The following CACNB1 variants were observed in gnomAD, a reference collection of about 807,000 sequenced individuals.
The protein encoded by CACNB1 is calcium voltage-gated channel auxiliary subunit beta 1, also known as voltage-dependent L-type calcium channel subunit beta-1.
A neutral mutation model predicts 71.6 loss-of-function variants in CACNB1; 29 were observed. That is an observed-to-expected ratio of 0.40 (90% CI 0.30 to 0.55). The LOEUF (loss-of-function observed/expected upper bound fraction) is 0.55, where lower values mean the gene tolerates loss of function less well. Ranked by LOEUF, CACNB1 falls within the 20% of genes least tolerant of loss-of-function variation. The probability of loss-of-function intolerance (pLI) is 0.38; values close to 1 mark genes in which losing one functional copy is unlikely to be tolerated. For synonymous variants in CACNB1, 300 were observed against 319.6 expected (o/e 0.94, Z 0.65); for missense variants, 623 against 801.8 (o/e 0.78, Z 2.69).
Position 39,185,138 on chromosome 17 carries a change from T to C in CACNB1, c.641A>G (p.Gln214Arg), listed in dbSNP as rs2045901821. 6 of 1,613,832 alleles carry C rather than the reference T, an allele frequency of 3.7e-6. No individual in the cohort carries two copies. Among genetic ancestry groups the C allele is most frequent in the Non-Finnish European group, 5.1e-6 (6 of 1,179,808 alleles). The change falls in exon 7 of 14, where the codon CAG (glutamine) becomes CGG (arginine). Residue 214 changes from glutamine (Q) to arginine (R), a missense_variant. Physicochemically the swap from Gln to Arg is conservative, Grantham distance 43 (BLOSUM62 1). Coordinates refer to ENST00000394303, the MANE Select transcript of CACNB1 (RefSeq NM_000723.5). ...PTPPASAKQKQKSTEHVPPYD... is the reference protein window; with the variant it reads ...PTPPASAKQKRKSTEHVPPYD... ...GAAAGCTGTGATACTCACCGACTTC[T>C]GCTTCTGTTTGGCTGGGTCCAGAGA... is the stretch of plus-strand genomic sequence containing the variant.
At position 39,191,505 on chromosome 17, in the gene CACNB1, C is replaced by T. The variant is rs1260515417; in HGVS notation, c.260G>A (p.Arg87His). Residue 87 changes from arginine to histidine, a missense_variant, in exon 3 of 14, where the codon CGC becomes CAC. Transcript: ENST00000394303. Reference sequence around the variant, plus strand: ...CTTCTCGAGCTGCGCTAATGCCTGGCGCTCTGCTTCCTTCCTTAAGGCTTC... The same window carrying T: ...CTTCTCGAGCTGCGCTAATGCCTGGTGCTCTGCTTCCTTCCTTAAGGCTTC... The part of the protein sequence containing the change: ...DREALRKEAE[R>H]QALAQLEKAK... 8.7e-6 allele frequency: 14 copies of T among 1,607,616 alleles called. No individual in the cohort carries two copies. The highest frequency in any genetic ancestry group is 5.2e-5 in the Admixed American group (3 of 57,880).
chr17:39,178,217 G>A (rs2045639905), intron 11 of CACNB1, 138 bp from the exon 12 acceptor site: 2 of 681,348 alleles, frequency 2.9e-6, no homozygotes, highest in South Asian at 1.6e-5. Flanking sequence ...CTCAGCCCTG[G>A]GCACCTCTGC....
In CACNB1 at chr17:39,175,787, G is replaced by C. The variant is rs1300811193; in HGVS notation, c.1333-130C>G. ...TGAAGAGGGTGCTGGCTCTAGAGGA[G>C]GGGCCCCGGGGACAAACGGCTCTGG... On this transcript the variant is annotated intron_variant, in intron 13 of 13. Coordinates refer to ENST00000394303, the MANE Select transcript of CACNB1 (RefSeq NM_000723.5). This position sits in a 1 kb window ranked among gnomAD's most constrained non-coding sequence, Gnocchi z 4.7. 20 of 743,538 alleles carry C rather than the reference G, an allele frequency of 2.7e-5. No individual in the cohort carries two copies. The highest frequency in any genetic ancestry group is 3.8e-5 in the Non-Finnish European group (18 of 471,038). 46.1% of individuals were successfully genotyped at this position (743,538 alleles called of 1,614,324 possible). A position where few individuals can be genotyped will look rare whatever the true frequency, so the allele number is the denominator to read the frequency against.
rs1398018511 is a variant in CACNB1 at position 39,184,363 on chromosome 17, T to C, written c.750A>G (p.Lys250=). ...GATGCTTCAAGAAGTCAAATAAAGC[T>C]TTCTGCATCATGTCTGTAACCTGGG... ...KGYEVTDMMQ[K]ALFDFLKHRF... The change falls in exon 9 of 14, where the codon AAA becomes AAG. Residue 250 remains lysine (K), a synonymous_variant. Coordinates refer to ENST00000394303, the MANE Select transcript of CACNB1 (RefSeq NM_000723.5). 2 of 1,547,512 alleles carry C rather than the reference T, an allele frequency of 1.3e-6. No individual in the cohort carries two copies. The highest frequency in any genetic ancestry group is 1.2e-5 in the South Asian group (1 of 84,080).
In CACNB1 at chr17:39,194,875, C is replaced by T. The variant is rs1323802643; in HGVS notation, c.171+9G>A. 1.3e-6 allele frequency: 2 copies of T among 1,597,630 alleles called. No homozygotes were observed. Among genetic ancestry groups the T allele is most frequent in the African/African-American group, 2.7e-5 (2 of 74,608 alleles). On this transcript the variant is annotated intron_variant, in intron 2 of 13. Coordinates refer to ENST00000394303, the MANE Select transcript of CACNB1 (RefSeq NM_000723.5). This position sits in a 1 kb window ranked among gnomAD's most constrained non-coding sequence, Gnocchi z 4.6. ...CACCTCCCTCCTCTCCGCCCAGCCTCCCCATTACCTGGCGGACAAAGCTGT... is the reference window on the plus strand; with the variant it reads ...CACCTCCCTCCTCTCCGCCCAGCCTTCCCATTACCTGGCGGACAAAGCTGT...
chr17:39,189,587 C>T (rs980766796), intron 3 of CACNB1, among the ~76,000 whole-genome samples: 1 of 150,996 alleles, frequency 6.6e-6, no homozygotes, highest in African/African-American at 2.4e-5. Flanking sequence ...CAACCTCTGC[C>T]TCCTTGGTTC....
chr17:39,184,308 A>C lies in CACNB1; in HGVS notation c.788+17T>G. The C allele has an allele frequency of 1.3e-6, 2 of 1,518,556 alleles. No homozygotes were observed. The highest frequency in any genetic ancestry group is 2.0e-4 in the Middle Eastern group (1 of 5,088). 94.1% of individuals were successfully genotyped at this position (1,518,556 alleles called of 1,614,324 possible). A position where few individuals can be genotyped will look rare whatever the true frequency, so the allele number is the denominator to read the frequency against. ...GAGAGCAACGGCAGGTGCGAGGAGC[A>C]GCTCCCAGGATCTTACCTGCCATCA... On this transcript the variant is annotated intron_variant, in intron 9 of 13. Coordinates refer to ENST00000394303, the MANE Select transcript of CACNB1 (RefSeq NM_000723.5).
intron 6 of CACNB1, among the ~76,000 whole-genome samples, chr17:39,185,476 G>A (rs866054502): frequency 6.6e-6 from 1 of 152,048 alleles, no homozygotes; most frequent in East Asian, 1.9e-4. Flanking sequence ...CCCCTATCTT[G>A]TTGCCCATCT....
chr17:39,195,835 C>T (rs1054433190), intron 1 of CACNB1, among the ~76,000 whole-genome samples: 7 of 152,186 alleles, frequency 4.6e-5, no homozygotes, highest in African/African-American at 1.4e-4. Context: ...CTCGGCCCCG[C>T]ACCACATGAG....
At chr17:39,184,957 C>A (rs907771366) in intron 7 of CACNB1, 93 bp from the exon 8 acceptor site, 19 of 1,053,262 alleles carry the variant, frequency 1.8e-5, no homozygotes, top group Middle Eastern at 2.0e-4. Context: ...AGCCTTCCCC[C>A]ACCCTGGTCC....
At position 39,175,414 on chromosome 17, in the gene CACNB1, G is replaced by A. The variant is rs2045552488; in HGVS notation, c.1576C>T (p.Pro526Ser). The A allele has an allele frequency of 4.3e-6, 7 of 1,614,204 alleles. No individual in the cohort carries two copies. Among genetic ancestry groups the A allele is most frequent in the Non-Finnish European group, 5.9e-6 (7 of 1,180,038 alleles). ...GDSCVDMETD[P>S]SEGPGLGDPA... ...TCTCCAAGCCCTGGCCCCTCTGAGGGGTCAGTCTCCATGTCCACACATGAG... is the reference window on the plus strand; with the variant it reads ...TCTCCAAGCCCTGGCCCCTCTGAGGAGTCAGTCTCCATGTCCACACATGAG... The change falls in exon 14 of 14, where the codon CCC (proline) becomes TCC (serine). Residue 526 changes from proline (P) to serine (S), a missense_variant. Coordinates refer to ENST00000394303, the MANE Select transcript of CACNB1 (RefSeq NM_000723.5). The surrounding 1 kb of genome is among the most constrained non-coding windows in gnomAD (Gnocchi z 4.7).
Position 39,175,448 on chromosome 17 carries a change from C to A in CACNB1, c.1542G>T (p.Glu514Asp). ...TPGSRNSAYT[E>D]LGDSCVDMET... ...CCATGTCCACACATGAGTCTCCCAG[C>A]TCCGTGTAGGCAGAGTTTCGGCTGC... is the stretch of plus-strand genomic sequence containing the variant. Residue 514 changes from glutamate (E) to aspartate (D), a missense_variant, in exon 14 of 14, where the codon GAG (glutamate) becomes GAT (aspartate). By Grantham distance (45) the Glu-to-Asp change is conservative. Transcript: ENST00000394303. The surrounding 1 kb of genome is among the most constrained non-coding windows in gnomAD (Gnocchi z 4.7). 1 of 1,614,222 alleles carries A rather than the reference C, an allele frequency of 6.2e-7. No individual in the cohort carries two copies.
At chr17:39,185,556 G>GCA (rs1555582958) in intron 6 of CACNB1, among the ~76,000 whole-genome samples, 2 of 149,838 alleles carry the variant, frequency 1.3e-5, no homozygotes, top group Non-Finnish European at 3.0e-5. Context: ...GCAGCCAGCA[G>GCA]CCCCCCCCCA....
rs534596059 is a variant in CACNB1, at chr17:39,184,876, A to T, written c.649-12T>A. 6.7e-7 allele frequency: 1 copy of T among 1,483,238 alleles called. No homozygotes were observed. The highest frequency in any genetic ancestry group is 9.4e-7 in the Non-Finnish European group (1 of 1,060,888). The allele number at this position is 1,483,238 out of a possible 1,614,324, so 91.9% of individuals were successfully genotyped here. A position where few individuals can be genotyped will look rare whatever the true frequency, so the allele number is the denominator to read the frequency against. On this transcript the variant is annotated splice_polypyrimidine_tract_variant and intron_variant, in intron 7 of 13. Transcript: ENST00000394303. ...GGCACATGCTCTGTCTGGGGGGGGA[A>T]GCAGGGAGGGGAAACCCCAGAGTGG...
intron 4 of CACNB1, chr17:39,187,147 C>T (rs1267891788): frequency 1.8e-5 from 11 of 608,058 alleles, no homozygotes; most frequent in Admixed American, 8.8e-5. Context: ...ACCCTGCCAC[C>T]GGCCCAATGC....
chr17:39,193,285 C>T (rs1475974676), intron 2 of CACNB1: 3 of 325,836 alleles, frequency 9.2e-6, no homozygotes, highest in South Asian at 6.8e-5. Context: ...CATACACACA[C>T]ATATGCAGAC....
At position 39,177,441 on chromosome 17, in the gene CACNB1, G is replaced by C; in HGVS notation, c.1241C>G (p.Pro414Arg). The change falls in exon 13 of 14, where the codon CCG becomes CGG. Residue 414 changes from proline to arginine, a missense_variant. By Grantham distance (103) the Pro-to-Arg change is moderately radical (BLOSUM62 -2). Transcript: ENST00000394303. ...YLEAYWKATH[P>R]PSSTPPNPLL... ...CGGATTGGGTGGCGTGCTGCTGGGC[G>C]GGTGTGTGGCCTTCCAATAGGCTTC... 11 of 1,613,802 alleles carry C rather than the reference G, an allele frequency of 6.8e-6. No homozygotes were observed. The highest frequency in any genetic ancestry group is 8.5e-6 in the Non-Finnish European group (10 of 1,179,768).
intron 11 of CACNB1, among the ~76,000 whole-genome samples, chr17:39,178,713 A>G (rs2045661084): frequency 6.6e-6 from 1 of 151,940 alleles, no homozygotes; most frequent in Non-Finnish European, 1.5e-5. Flanking sequence ...GGCAACAACA[A>G]CAGTCTTCCT....
At chr17:39,184,005 A>G in intron 10 of CACNB1, 26 bp downstream of exon 10, 4 of 1,529,848 alleles carry the variant, frequency 2.6e-6, no homozygotes, top group Non-Finnish European at 2.7e-6. Flanking sequence ...AGAAAGGGGG[A>G]GTGAAGACAG....
Sources: gnomAD v4.1 joint callset for allele counts (sites outside exome capture counted in the v4.1 genomes callset) on GRCh38, gnomAD v4.1.1 for gene constraint, Gnocchi (gnomAD v3.1) non-coding constraint, MANE v1.5 for transcripts, NCBI Gene and HGNC (gene_info 2026-07-23, HGNC 2026-07-21) for gene names.